Variants in ANK1 observed in about 807,000 individuals in gnomAD.
ANK1 encodes the protein ankyrin-1.
A neutral mutation model predicts 210.4 loss-of-function variants in ANK1; 51 were observed. That is an observed-to-expected ratio of 0.24 (90% CI 0.19 to 0.31). The LOEUF is 0.31. Ranked by LOEUF, ANK1 falls within the 10% of genes least tolerant of loss-of-function variation. ANK1 has a pLI of 1.00. For synonymous variants in ANK1, 967 were observed against 1,025.9 expected, an observed-to-expected ratio of 0.94 and a Z score of 1.10; for missense variants, 2,051 against 2,504.4, an observed-to-expected ratio of 0.82 and a Z score of 3.86.
upstream of ANK1, among the ~76,000 whole-genome samples, chr8:41,798,672 G>A (rs1181861899): frequency 2.0e-5 from 3 of 152,220 alleles, no homozygotes. Flanking sequence ...GCTGAGCTGC[G>A]GGGCCAGGGG....
chr8:41,668,084 T>A (rs554731152), intron 39 of ANK1, among the ~76,000 whole-genome samples, 183 bp downstream of exon 39: 4 of 152,316 alleles, frequency 2.6e-5, no homozygotes, highest in Admixed American at 2.6e-4. Context: ...TTAGCAGGGA[T>A]CCAGGAGGCA....
chr8:41,668,172 C>T (rs978225689), intron 39 of ANK1, 95 bp downstream of exon 39: 2 of 1,537,490 alleles, frequency 1.3e-6, no homozygotes, highest in Non-Finnish European at 1.8e-6. Context: ...ATATGCTTAG[C>T]TCAGGGCTTG....
At chr8:41,668,629 C>T (rs1291927973) in intron 38 of ANK1, 65 bp from the exon 39 acceptor site, 17 of 1,508,278 alleles carry the variant, frequency 1.1e-5, no homozygotes, top group Non-Finnish European at 1.4e-5. Flanking sequence ...GGTCACCCAT[C>T]AGTCTCATTC....
chr8:41,713,967 C>T (rs1200442947), intron 16 of ANK1, among the ~76,000 whole-genome samples, 189 bp downstream of exon 16: 2 of 152,246 alleles, frequency 1.3e-5, no homozygotes, highest in Admixed American at 1.3e-4. Flanking sequence ...TCCCATCCCA[C>T]TCCTGGGCCC....
chr8:41,892,156 C>A (rs1243279532), intron 1 of ANK1, among the ~76,000 whole-genome samples: 1 of 151,918 alleles, frequency 6.6e-6, no homozygotes. Flanking sequence ...TCCCTCCATC[C>A]CACTTTCCCC....
intron 1 of ANK1, among the ~76,000 whole-genome samples, chr8:41,784,712 A>G (rs907508437): frequency 6.6e-6 from 1 of 152,222 alleles, no homozygotes; most frequent in African/African-American, 2.4e-5. Flanking sequence ...CTCATGGTGA[A>G]GGTTTTGCAA....
intron 9 of ANK1, among the ~76,000 whole-genome samples, chr8:41,722,102 A>AGG (rs1829425612): frequency 3.3e-5 from 5 of 152,200 alleles, no homozygotes; most frequent in African/African-American, 1.2e-4. Flanking sequence ...TCATCCCAAT[A>AGG]ATCCTAGGAG....
chr8:41,727,029 C>T (rs576599026), intron 5 of ANK1, among the ~76,000 whole-genome samples: 5 of 152,338 alleles, frequency 3.3e-5, no homozygotes, highest in South Asian at 4.1e-4. Context: ...TCAAGTGTGA[C>T]GTCGTTTCTT....
intron 2 of ANK1, among the ~76,000 whole-genome samples, chr8:41,746,241 G>T (rs1239525982): frequency 6.6e-6 from 1 of 152,186 alleles, no homozygotes; most frequent in African/African-American, 2.4e-5. Context: ...GGTGGGAAAG[G>T]TCTGCTAAAA....
At position 41,694,679 on chromosome 8, in the gene ANK1, C is replaced by T; in HGVS notation, c.3240G>A (p.Gly1080=). 2 of 1,614,108 alleles carry T rather than the reference C, an allele frequency of 1.2e-6. No individual in the cohort carries two copies. Among genetic ancestry groups the T allele is most frequent in the Non-Finnish European group, 1.7e-6 (2 of 1,180,018 alleles). ...GCACCAGCTTGCTCTTCAGGGAGCC[C>T]CCTTCGGGACCGATGGTGTCGTAGT... is the stretch of plus-strand genomic sequence containing the variant. ...CQDYDTIGPE[G]GSLKSKLVPL... is the part of the protein sequence containing the mutation. Residue 1080 remains glycine (G), a synonymous_variant, in exon 28 of 43, where the codon GGG becomes GGA. Coordinates refer to ENST00000289734, the MANE Select transcript of ANK1 (RefSeq NM_000037.4). The surrounding 1 kb of genome is among the most constrained non-coding windows in gnomAD (Gnocchi z 5.7).
At chr8:41,852,548 G>A (rs536338602) in intron 1 of ANK1, among the ~76,000 whole-genome samples, 89 of 152,302 alleles carry the variant, frequency 5.8e-4, no homozygotes, top group African/African-American at 2.0e-3. Flanking sequence ...TTGGCAGAGG[G>A]GCTCTGCACC....
intron 9 of ANK1, among the ~76,000 whole-genome samples, chr8:41,722,056 C>A (rs1829412946): frequency 6.6e-6 from 1 of 152,168 alleles, no homozygotes; most frequent in Non-Finnish European, 1.5e-5. Context: ...AGGAGTTTTA[C>A]TTTTAGATAG....
intron 1 of ANK1, chr8:41,896,277 C>G (rs1820519548): frequency 2.7e-6 from 4 of 1,487,138 alleles, no homozygotes; most frequent in Non-Finnish European, 3.6e-6. Flanking sequence ...CACCGCGTCC[C>G]GGGCCGCCCG....
At chr8:41,824,965 T>C (rs1318401798) in intron 1 of ANK1, among the ~76,000 whole-genome samples, 1 of 152,232 alleles carries the variant, frequency 6.6e-6, no homozygotes, top group Non-Finnish European at 1.5e-5. Context: ...ATTTCTTGCC[T>C]TCCACTGGTC....
intron 7 of ANK1, among the ~76,000 whole-genome samples, chr8:41,723,859 G>A (rs1241180934): frequency 2.0e-5 from 3 of 148,866 alleles, no homozygotes. Context: ...GCGCGATCTC[G>A]ACTCACTGCA....
At chr8:41,686,365 A>G (rs1817674656) in intron 35 of ANK1, 82 bp from the exon 36 acceptor site, 2 of 1,591,670 alleles carry the variant, frequency 1.3e-6, no homozygotes, top group East Asian at 4.5e-5. Flanking sequence ...CTGGGTGGGC[A>G]CTGGGGCGTG....
intron 2 of ANK1, among the ~76,000 whole-genome samples, chr8:41,745,041 AG>A (rs1054456276): frequency 6.6e-6 from 1 of 152,180 alleles, no homozygotes; most frequent in African/African-American, 2.4e-5. Context: ...TTTCTGAACC[AG>A]AGAAAGAGAG....
At position 41,655,669 on chromosome 8, in the gene ANK1, G is replaced by T; in HGVS notation, c.*121C>A. On this transcript the variant is annotated 3_prime_UTR_variant, in exon 43 of 43. Coordinates refer to ENST00000289734, the MANE Select transcript of ANK1 (RefSeq NM_000037.4). Reference sequence around the variant, plus strand: ...GTCAGCCCAGAGGAATGTGTGCACCGCTGCGGTGGCCCTCAGGTCCAGCTC... The same window carrying T: ...GTCAGCCCAGAGGAATGTGTGCACCTCTGCGGTGGCCCTCAGGTCCAGCTC... 1 of 1,587,924 alleles carries T rather than the reference G, an allele frequency of 6.3e-7. No individual in the cohort carries two copies. The highest frequency in any genetic ancestry group is 8.6e-7 in the Non-Finnish European group (1 of 1,156,738).
At chr8:41,665,068 G>A (rs1443333824) in intron 39 of ANK1, 1 of 1,602,464 alleles carries the variant, frequency 6.2e-7, no homozygotes, top group African/African-American at 1.3e-5. Context: ...CAGGGCCCCG[G>A]CCACCACGGG....
Sources: allele counts gnomAD v4.1 joint callset (sites outside exome capture counted in the v4.1 genomes callset), GRCh38; gene constraint gnomAD v4.1.1; non-coding constraint Gnocchi (gnomAD v3.1); transcripts MANE v1.5; gene names NCBI Gene and HGNC (gene_info 2026-07-23, HGNC 2026-07-21).